The following DIPK1A variants were observed in gnomAD, a reference collection of about 807,000 sequenced individuals.
DIPK1A encodes the protein family with sequence similarity 69 member A.
DIPK1A carries 27 observed loss-of-function variants against 40.8 expected under a neutral mutation model. The ratio of observed to expected loss-of-function variants is 0.66; its 90% confidence interval spans 0.49 to 0.91. The LOEUF is 0.91. DIPK1A is among the 40% of genes least tolerant of loss of function. The probability of loss-of-function intolerance (pLI) is 0.00; values close to 1 mark genes in which losing one functional copy is unlikely to be tolerated. For missense variants in DIPK1A, 412 were observed against 505.7 expected (o/e 0.81, Z 1.78); for synonymous variants, 166 against 171.3 (o/e 0.97, Z 0.24).
intron 1 of DIPK1A, among the ~76,000 whole-genome samples, chr1:92,905,814 G>A (rs180879027): frequency 1.6e-3 from 246 of 152,180 alleles, no homozygotes; most frequent in Middle Eastern, 0.01. Flanking sequence ...TTGAGAGATA[G>A]GGGTCTAGTT....
chr1:92,847,543 A>T (rs962633949), intron 3 of DIPK1A, among the ~76,000 whole-genome samples, 184 bp from the exon 4 acceptor site: 20 of 152,284 alleles, frequency 1.3e-4, no homozygotes, highest in African/African-American at 4.8e-4. Flanking sequence ...TTTTCCTTAA[A>T]CTAATTTTTT....
chr1:92,836,299 A>G (rs1278125606), intron 4 of DIPK1A: 5 of 1,614,156 alleles, frequency 3.1e-6, no homozygotes, highest in Non-Finnish European at 8.5e-7. Flanking sequence ...TTCACCTGCT[A>G]TTTGGATGCA....
intron 4 of DIPK1A, among the ~76,000 whole-genome samples, chr1:92,834,513 C>T (rs140606501): frequency 6.6e-6 from 1 of 152,154 alleles, no homozygotes; most frequent in African/African-American, 2.4e-5. Context: ...TCCTCCGTAC[C>T]CAAGTTCAGA....
At chr1:92,902,054 C>A (rs1649436151) in intron 1 of DIPK1A, among the ~76,000 whole-genome samples, 1 of 152,158 alleles carries the variant, frequency 6.6e-6, no homozygotes, top group East Asian at 1.9e-4. Flanking sequence ...CGCGGGAGGG[C>A]AGTGTGTGAA....
At chr1:92,935,447 A>C (rs1236633765) in intron 1 of DIPK1A, among the ~76,000 whole-genome samples, 1 of 152,232 alleles carries the variant, frequency 6.6e-6, no homozygotes, top group Non-Finnish European at 1.5e-5. Context: ...AAACACAATT[A>C]ATAAATTCTG....
chr1:92,845,291 C>G (rs1687552771), intron 4 of DIPK1A, among the ~76,000 whole-genome samples: 1 of 70,084 alleles, frequency 1.4e-5, no homozygotes, highest in Middle Eastern at 9.8e-3. Context: ...TGCAGAGTAC[C>G]GTTTTTTTTT....
intron 1 of DIPK1A, among the ~76,000 whole-genome samples, chr1:92,921,212 C>T (rs759898682): frequency 3.3e-5 from 5 of 152,070 alleles, no homozygotes; most frequent in Admixed American, 6.5e-5. Flanking sequence ...ATAAGAAAAG[C>T]GTGAGACACA....
At chr1:92,923,975 A>G (rs1650377425) in intron 1 of DIPK1A, among the ~76,000 whole-genome samples, 1 of 152,232 alleles carries the variant, frequency 6.6e-6, no homozygotes, top group South Asian at 2.1e-4. Context: ...TCTATCTCTA[A>G]TTGGCTTCAA....
chr1:92,894,067 C>A (rs199743629), intron 1 of DIPK1A, among the ~76,000 whole-genome samples: 2,923 of 86,656 alleles, frequency 0.034, no homozygotes, highest in Non-Finnish European at 0.043. Flanking sequence ...GACTTTAACA[C>A]CCCACTGTCA....
chr1:92,878,734 A>G (rs1001045421), intron 1 of DIPK1A, among the ~76,000 whole-genome samples: 1 of 152,038 alleles, frequency 6.6e-6, no homozygotes, highest in African/African-American at 2.4e-5. Flanking sequence ...GCAGGAGAAT[A>G]GCGTGAACCC....
rs1651284239 is a variant in DIPK1A, at chr1:92,944,360, G to A, written c.54+17016C>T. Among the ~76,000 whole-genome samples, 7 of 152,072 alleles carry A rather than the reference G, an allele frequency of 4.6e-5. 1 individual carries two copies. Among genetic ancestry groups the A allele is most frequent in the Admixed American group, 3.9e-4 (6 of 15,262 alleles). Reference sequence around the variant, plus strand: ...GGATCCAAGTCTTAAGATTCAAAGGGCTCAGTGAGTACCCATACAACTGAT... The same window carrying A: ...GGATCCAAGTCTTAAGATTCAAAGGACTCAGTGAGTACCCATACAACTGAT... On this transcript the variant is annotated intron_variant, in intron 1 of 4. Coordinates refer to ENST00000370310, the MANE Select transcript of DIPK1A (RefSeq NM_001006605.5).
At chr1:92,914,516 T>TTTGGGAGG (rs1649965902) in intron 1 of DIPK1A, among the ~76,000 whole-genome samples, 1 of 152,028 alleles carries the variant, frequency 6.6e-6, no homozygotes, top group Non-Finnish European at 1.5e-5. Context: ...TCGCGTGTAA[T>TTTGGGAGG]CCCAGCACTT....
chr1:92,909,510 G>A (rs927574299), intron 1 of DIPK1A, among the ~76,000 whole-genome samples: 36 of 152,280 alleles, frequency 2.4e-4, no homozygotes, highest in Middle Eastern at 3.4e-3. Flanking sequence ...TTGTTCTCCT[G>A]TGATCACTCT....
intron 1 of DIPK1A, among the ~76,000 whole-genome samples, chr1:92,925,684 G>A (rs1039822247): frequency 1.3e-5 from 2 of 151,822 alleles, no homozygotes; most frequent in African/African-American, 4.8e-5. Flanking sequence ...AGTAGAGATG[G>A]GGGGTTTCAC....
chr1:92,919,436 C>A (rs1401103938), intron 1 of DIPK1A, among the ~76,000 whole-genome samples: 1 of 152,176 alleles, frequency 6.6e-6, no homozygotes, highest in Non-Finnish European at 1.5e-5. Context: ...CTTCTCTAGG[C>A]CTTTGCATAT....
chr1:92,881,095 C>T (rs1557467254), intron 1 of DIPK1A, among the ~76,000 whole-genome samples: 1 of 147,438 alleles, frequency 6.8e-6, no homozygotes, highest in Non-Finnish European at 1.5e-5. Flanking sequence ...ATCGCTTGAA[C>T]CCGGGAGGTG....
intron 4 of DIPK1A, among the ~76,000 whole-genome samples, chr1:92,846,829 A>ATGTG (rs1687632385): frequency 1.5e-4 from 1 of 6,538 alleles, no homozygotes; most frequent in Non-Finnish European, 2.1e-4. Context: ...ATATATATAT[A>ATGTG]TATATATATA....
At chr1:92,888,570 T>C (rs991517296) in intron 1 of DIPK1A, among the ~76,000 whole-genome samples, 2 of 152,236 alleles carry the variant, frequency 1.3e-5, no homozygotes, top group African/African-American at 4.8e-5. Flanking sequence ...TTCTGGATCA[T>C]ATGGCAGTTT....
At chr1:92,856,636 C>T (rs1403087264) in intron 2 of DIPK1A, among the ~76,000 whole-genome samples, 7 of 152,044 alleles carry the variant, frequency 4.6e-5, no homozygotes, top group Non-Finnish European at 1.0e-4. Context: ...AGGCTGGGCT[C>T]GAACTTTTGA....
Sources: gnomAD v4.1 joint callset for allele counts (sites outside exome capture counted in the v4.1 genomes callset) on GRCh38, gnomAD v4.1.1 for gene constraint, MANE v1.5 for transcripts, NCBI Gene and HGNC (gene_info 2026-07-23, HGNC 2026-07-21) for gene names.